Variants in XYLT1 observed in about 807,000 individuals in gnomAD.
XYLT1 encodes beta-D-xylosyltransferase 1.
A neutral mutation model predicts 91.3 loss-of-function variants in XYLT1; 36 were observed. The ratio of observed to expected loss-of-function variants is 0.39; its 90% CI spans 0.30 to 0.52. The LOEUF is 0.52. Ranked by LOEUF, XYLT1 falls within the 20% of genes least tolerant of loss-of-function variation. The pLI is 0.68. For missense variants in XYLT1, 1,242 were observed against 1,284.5 expected (o/e 0.97, Z 0.51); for synonymous variants, 588 against 532.0 (o/e 1.11, Z -1.45).
At chr16:17,264,179 C>T (rs1254551364) in intron 2 of XYLT1, among the ~76,000 whole-genome samples, 1 of 152,168 alleles carries the variant, frequency 6.6e-6, no homozygotes, top group Non-Finnish European at 1.5e-5. Flanking sequence ...CTTCATTGTG[C>T]ATGCATGATT....
At chr16:17,133,392 A>AAGAG (rs1567287528) in intron 9 of XYLT1, among the ~76,000 whole-genome samples, 1 of 152,204 alleles carries the variant, frequency 6.6e-6, no homozygotes, top group Non-Finnish European at 1.5e-5. Flanking sequence ...AAATAATCAA[A>AAGAG]AGAGAGAATG....
At chr16:17,306,915 C>T (rs961269127) in intron 2 of XYLT1, among the ~76,000 whole-genome samples, 8 of 152,154 alleles carry the variant, frequency 5.3e-5, no homozygotes, top group African/African-American at 1.2e-4. Context: ...GGGTGACTTG[C>T]CCAAGGTCAC....
At chr16:17,134,194 A>G (rs945265662) in intron 9 of XYLT1, among the ~76,000 whole-genome samples, 8 of 152,232 alleles carry the variant, frequency 5.3e-5, no homozygotes, top group Admixed American at 5.2e-4. Context: ...TGGTGACAAA[A>G]AGCTTCCTTC....
chr16:17,466,832 T>C (rs1269570216), intron 1 of XYLT1, among the ~76,000 whole-genome samples: 1 of 152,206 alleles, frequency 6.6e-6, no homozygotes, highest in Non-Finnish European at 1.5e-5. Context: ...ATGATGCATA[T>C]TTCTGTATAC....
chr16:17,101,939 A>G lies in XYLT1; in HGVS notation c.*6756T>C, dbSNP rs1158895479. 6.6e-6 allele frequency: 1 copy of G among 152,230 alleles called. No homozygotes were observed. The highest frequency in any genetic ancestry group is 2.4e-5 in the African/African-American group (1 of 41,460). 9.4% of individuals were successfully genotyped at this position (152,230 alleles called of 1,614,324 possible). A position where few individuals can be genotyped will look rare whatever the true frequency, so the allele number is the denominator to read the frequency against. On this transcript the variant is annotated 3_prime_UTR_variant, in exon 12 of 12. Coordinates refer to ENST00000261381, the MANE Select transcript of XYLT1 (RefSeq NM_022166.4). ...GAAAGGAAAACACGTTTGCCAACCAACCAACCAGTTGGGTATAGGAAACTG... is the reference window on the plus strand; with the variant it reads ...GAAAGGAAAACACGTTTGCCAACCAGCCAACCAGTTGGGTATAGGAAACTG...
intron 2 of XYLT1, among the ~76,000 whole-genome samples, chr16:17,335,550 C>T (rs2034967366): frequency 6.6e-6 from 1 of 151,988 alleles, no homozygotes; most frequent in Admixed American, 6.6e-5. Flanking sequence ...ATTAGCGGGG[C>T]ATGGTGGCGG....
At chr16:17,174,552 T>C (rs906621156) in intron 5 of XYLT1, among the ~76,000 whole-genome samples, 4 of 152,154 alleles carry the variant, frequency 2.6e-5, no homozygotes, top group Non-Finnish European at 2.9e-5. Context: ...TCCATTTATA[T>C]GAAATATTCA....
chr16:17,270,117 T>C (rs892544535), intron 2 of XYLT1, among the ~76,000 whole-genome samples: 2 of 152,154 alleles, frequency 1.3e-5, no homozygotes, highest in Non-Finnish European at 2.9e-5. Context: ...TCTGCTTCCT[T>C]CTCTCTTTAA....
intron 3 of XYLT1, among the ~76,000 whole-genome samples, chr16:17,247,729 A>G (rs530165621): frequency 6.6e-6 from 1 of 152,302 alleles, no homozygotes; most frequent in South Asian, 2.1e-4. Flanking sequence ...ATCCAGGGTC[A>G]GGTCAATGAT....
chr16:17,181,012 A>T (rs1025283972), intron 5 of XYLT1, among the ~76,000 whole-genome samples: 1 of 152,198 alleles, frequency 6.6e-6, no homozygotes, highest in Non-Finnish European at 1.5e-5. Context: ...GAGGCTGGGA[A>T]TTGGAAGGAA....
chr16:17,396,438 T>G (rs2035887785), intron 1 of XYLT1, among the ~76,000 whole-genome samples: 1 of 152,158 alleles, frequency 6.6e-6, no homozygotes, highest in African/African-American at 2.4e-5. Flanking sequence ...AAACTCACTG[T>G]GAGAAATGAG....
At position 17,409,085 on chromosome 16, in the gene XYLT1, C is replaced by A. The variant is rs1333011628; in HGVS notation, c.364-51035G>T. On this transcript the variant is annotated intron_variant, in intron 1 of 11. Coordinates refer to ENST00000261381, the MANE Select transcript of XYLT1 (RefSeq NM_022166.4). ...GGAAAAAAGATGCAAATTACAAAGA[C>A]CTTTTTCAGAGCCACCACCTTCTAA... Among the ~76,000 whole-genome samples, 8 of 146,806 alleles carry A rather than the reference C, an allele frequency of 5.4e-5. No individual in the cohort carries two copies. In the East Asian group the frequency reaches 9.7e-4, roughly 18 times the overall value.
intron 1 of XYLT1, 45 bp from the exon 2 acceptor site, chr16:17,358,095 TTAAC>T (rs1416220186): frequency 2.5e-6 from 4 of 1,579,866 alleles, no homozygotes; most frequent in Middle Eastern, 1.7e-4. Flanking sequence ...TGAAAAAAAG[TTAAC>T]TTACTACCCC....
intron 2 of XYLT1, among the ~76,000 whole-genome samples, chr16:17,315,320 C>CATTT (rs1194252327): frequency 6.6e-6 from 1 of 152,250 alleles, no homozygotes; most frequent in African/African-American, 2.4e-5. Context: ...TCACCTTGTG[C>CATTT]ATTTGCACAT....
At chr16:17,400,451 G>A (rs781338519) in intron 1 of XYLT1, among the ~76,000 whole-genome samples, 33 of 152,104 alleles carry the variant, frequency 2.2e-4, no homozygotes, top group Non-Finnish European at 3.8e-4. Flanking sequence ...TTAGCTGGGA[G>A]TGGTGGCACG....
At chr16:17,297,901 G>T (rs2141807107) in intron 2 of XYLT1, among the ~76,000 whole-genome samples, 1 of 152,158 alleles carries the variant, frequency 6.6e-6, no homozygotes. Flanking sequence ...TGTGCCTGTA[G>T]TCCCAGCTAC....
At position 17,276,577 on chromosome 16, in the gene XYLT1, C is replaced by A. The variant is rs550268172; in HGVS notation, c.403-17079G>T. On this transcript the variant is annotated intron_variant, in intron 2 of 11. Coordinates refer to ENST00000261381, the MANE Select transcript of XYLT1 (RefSeq NM_022166.4). ...CAAAAACCTCATCACTACCAACTTT[C>A]GCGTGCACTGTCATCATCCAGAAGG... Among the ~76,000 whole-genome samples the A allele has an allele frequency of 4.6e-5, 7 of 152,308 alleles. No homozygotes were observed. In the South Asian group the frequency reaches 1.5e-3, roughly 32 times the overall value.
rs563075983 is a variant in XYLT1, at chr16:17,129,089, A to C, written c.2028-1228T>G. Among the ~76,000 whole-genome samples, 61 of 140,874 alleles carry C rather than the reference A, an allele frequency of 4.3e-4. 1 individual carries two copies. Among genetic ancestry groups the C allele is most frequent in the East Asian group, 3.9e-3 (20 of 5,102 alleles). The allele number at this position is 140,874 out of a possible 152,430, so 92.4% of individuals were successfully genotyped here. ...GGAGCATAGAAAAAAAAAAAAAAAA[A>C]AAAAAAAACTTGAACAGTCTTCAGA... On this transcript the variant is annotated intron_variant, in intron 9 of 11. Coordinates refer to ENST00000261381, the MANE Select transcript of XYLT1 (RefSeq NM_022166.4).
chr16:17,278,694 T>C (rs1695705096), intron 2 of XYLT1, among the ~76,000 whole-genome samples: 1 of 152,238 alleles, frequency 6.6e-6, no homozygotes, highest in Non-Finnish European at 1.5e-5. Flanking sequence ...TTCTCTTGTT[T>C]CATCCTCCCA....
Sources: allele counts gnomAD v4.1 joint callset (sites outside exome capture counted in the v4.1 genomes callset), GRCh38; gene constraint gnomAD v4.1.1; transcripts MANE v1.5; gene names NCBI Gene and HGNC (gene_info 2026-07-23, HGNC 2026-07-21).